The following DMXL2 variants were observed in gnomAD, a reference collection of about 807,000 sequenced individuals.
DMXL2 encodes Dmx like 2, also known as dmX-like protein 2.
In DMXL2, 103 loss-of-function variants were observed where a neutral mutation model predicts 331.1. That is an observed-to-expected ratio of 0.31 (90% CI 0.27 to 0.37). DMXL2 has a LOEUF of 0.37. Ranked by LOEUF, DMXL2 falls within the 10% of genes least tolerant of loss-of-function variation. The pLI is 1.00. For missense variants in DMXL2, 3,171 were observed against 3,642.9 expected, an observed-to-expected ratio of 0.87 and a Z score of 3.33; for synonymous variants, 1,281 against 1,252.1, an observed-to-expected ratio of 1.02 and a Z score of -0.49.
rs778284524 is a variant in DMXL2 at position 51,517,102 on chromosome 15, A to C, written c.2502T>G (p.Ile834Met). ...CTTGGTTGGTTATTGCGTCGAGTTC[A>C]ATAATGCAGCCAGGTCGAGCAGTAG... is the stretch of plus-strand genomic sequence containing the variant. ...QQSTARPGCI[I>M]ELDAITNQCG... Residue 834 changes from isoleucine to methionine, a missense_variant, in exon 14 of 44, where the codon ATT becomes ATG. Around this residue, in one of 7 missense-constraint regions of DMXL2, gnomAD observed 1,674 missense variants for 1,780.2 expected, o/e 0.94. Coordinates refer to ENST00000560891, the MANE Select transcript of DMXL2 (RefSeq NM_001378457.1). 3 of 1,614,118 alleles carry C rather than the reference A, an allele frequency of 1.9e-6. No individual in the cohort carries two copies. The highest frequency in any genetic ancestry group is 1.6e-4 in the Middle Eastern group (1 of 6,062).
chr15:51,597,687 G>A (rs564597984), intron 1 of DMXL2, among the ~76,000 whole-genome samples: 17 of 152,298 alleles, frequency 1.1e-4, no homozygotes, highest in Admixed American at 4.6e-4. Context: ...CAGGTTAGGC[G>A]TATCTTAAAT....
rs144184022 is a variant in DMXL2, at chr15:51,457,480, T to C, written c.8199-14A>G. 6.2e-7 allele frequency: 1 copy of C among 1,613,636 alleles called. No individual in the cohort carries two copies. The highest frequency in any genetic ancestry group is 2.2e-5 in the East Asian group (1 of 44,878). On this transcript the variant is annotated splice_polypyrimidine_tract_variant and intron_variant, in intron 36 of 43. Coordinates refer to ENST00000560891, the MANE Select transcript of DMXL2 (RefSeq NM_001378457.1). The stretch of plus-strand genomic sequence containing the variant: ...ACATCATCTGAACTGTGAAAAACAT[T>C]CATGTGTTACTGTGAACATTCCCTT...
chr15:51,535,571 A>T, intron 13 of DMXL2, 92 bp downstream of exon 13: 1 of 1,216,750 alleles, frequency 8.2e-7, no homozygotes, highest in Non-Finnish European at 1.1e-6. Flanking sequence ...CTTACTCCCT[A>T]AACAGCAACT....
At chr15:51,479,622 T>C (rs1261766338) in intron 25 of DMXL2, among the ~76,000 whole-genome samples, 1 of 152,202 alleles carries the variant, frequency 6.6e-6, no homozygotes, top group Non-Finnish European at 1.5e-5. Flanking sequence ...TATCTTGGCA[T>C]GTAAACAAAT....
chr15:51,517,808 G>A (rs925241254), intron 13 of DMXL2, among the ~76,000 whole-genome samples: 7 of 152,154 alleles, frequency 4.6e-5, no homozygotes, highest in Non-Finnish European at 8.8e-5. Flanking sequence ...GGCTAGCTTC[G>A]CCTAGAGATA....
In DMXL2 at chr15:51,550,596, G is replaced by A. The variant is rs557166163; in HGVS notation, c.568-3188C>T. 2.6e-3 allele frequency among the ~76,000 whole-genome samples: 397 copies of A among 151,940 alleles called. 1 individual carries two copies. The highest frequency in any genetic ancestry group is 4.2e-3 in the Non-Finnish European group (283 of 67,914). Reference sequence around the variant, plus strand: ...CATGCTGCATGAGAACTCAAAAAAAGAAAAGATAAATTCCATTTTTTGAAG... The same window carrying A: ...CATGCTGCATGAGAACTCAAAAAAAAAAAAGATAAATTCCATTTTTTGAAG... On this transcript the variant is annotated intron_variant, in intron 6 of 43. Coordinates refer to ENST00000560891, the MANE Select transcript of DMXL2 (RefSeq NM_001378457.1).
Position 51,536,241 on chromosome 15 carries a change from G to C in DMXL2, c.2239C>G (p.Arg747Gly), listed in dbSNP as rs1451641781. ...GCTGAGGTATGTAAAGAGTTAATTC[G>C]AGCCAATTCTGATACTCCTCCAGTG... ...SYTGGVSELA[R>G]INSLHTSAFS... Residue 747 changes from arginine (R) to glycine (G), a missense_variant, in exon 12 of 44, where the codon CGA becomes GGA. Coordinates refer to ENST00000560891, the MANE Select transcript of DMXL2 (RefSeq NM_001378457.1). 1 of 1,613,772 alleles carries C rather than the reference G, an allele frequency of 6.2e-7. No homozygotes were observed. Among genetic ancestry groups the C allele is most frequent in the South Asian group, 1.1e-5 (1 of 91,034 alleles).
In DMXL2 at chr15:51,471,390, G is replaced by A. The variant is rs140921435; in HGVS notation, c.7225C>T (p.Leu2409Phe). 382 of 1,594,708 alleles carry A rather than the reference G, an allele frequency of 2.4e-4. 3 individuals are homozygous for A. The African/African-American group carries it at 4.6e-3, about 19-fold the overall frequency. Residue 2409 changes from leucine to phenylalanine, a missense_variant, in exon 29 of 44, where the codon CTT (leucine) becomes TTT (phenylalanine). Leu to Phe is a conservative substitution (Grantham distance 22). Around this residue, in one of 7 missense-constraint regions of DMXL2, gnomAD observed 766 missense variants for 940.5 expected, o/e 0.81. Transcript: ENST00000560891. ...QSENISAPPV[L>F]SEDIDKHRRR... ...CGGTGTTTATCTATGTCTTCAGAAA[G>A]GACAGGAGGTGCTAAATGAAGATAG... is the stretch of plus-strand genomic sequence containing the variant.
intron 22 of DMXL2, among the ~76,000 whole-genome samples, chr15:51,487,333 C>G (rs560240584): frequency 1.3e-5 from 2 of 152,224 alleles, no homozygotes; most frequent in Non-Finnish European, 2.9e-5. Context: ...AGGTTGTGAC[C>G]TATGTACTTT....
chr15:51,621,676 A>G (rs189144440), intron 1 of DMXL2, among the ~76,000 whole-genome samples: 170 of 152,310 alleles, frequency 1.1e-3, no homozygotes, highest in Non-Finnish European at 1.9e-3. Flanking sequence ...GGAGATTCTA[A>G]AACGTTATGT....
At position 51,530,864 on chromosome 15, in the gene DMXL2, A is replaced by G. The variant is rs898433237; in HGVS notation, c.2436+4799T>C. 3.4e-4 allele frequency among the ~76,000 whole-genome samples: 52 copies of G among 152,186 alleles called. 1 individual carries two copies. The highest frequency in any genetic ancestry group is 3.9e-4 in the Admixed American group (6 of 15,276). ...ATCTCTATAATGAAAACTGTAAAACACTGATGAAAGAAATTGAAGAGGACA... is the reference window on the plus strand; with the variant it reads ...ATCTCTATAATGAAAACTGTAAAACGCTGATGAAAGAAATTGAAGAGGACA... On this transcript the variant is annotated intron_variant, in intron 13 of 43. Transcript: ENST00000560891.
Position 51,481,190 on chromosome 15 carries a change from T to C in DMXL2, c.5916A>G (p.Glu1972=). 2 of 1,613,900 alleles carry C rather than the reference T, an allele frequency of 1.2e-6. No individual in the cohort carries two copies. The highest frequency in any genetic ancestry group is 1.7e-6 in the Non-Finnish European group (2 of 1,179,864). ...WSQPIVKVDE[E]PLNLDWGEDH... ...CTTCACCCCAATCAAGATTAAGAGG[T>C]TCCTCATCAACTTTTACTATTGGCT... Residue 1972 remains glutamate, a synonymous_variant, in exon 24 of 44, where the codon GAA becomes GAG. Coordinates refer to ENST00000560891, the MANE Select transcript of DMXL2 (RefSeq NM_001378457.1).
At chr15:51,454,230 T>G (rs2039414543) in intron 40 of DMXL2, 1 of 152,282 alleles carries the variant, frequency 6.6e-6, no homozygotes, top group Non-Finnish European at 1.5e-5. Flanking sequence ...AAAAAGTATT[T>G]GGGTAATCTA....
At chr15:51,473,941 A>C (rs1206209898) in intron 28 of DMXL2, among the ~76,000 whole-genome samples, 1 of 152,162 alleles carries the variant, frequency 6.6e-6, no homozygotes, top group Non-Finnish European at 1.5e-5. Flanking sequence ...GTATGCGCTA[A>C]AGATTTTGAA....
chr15:51,475,120 T>G (rs1305665535), intron 27 of DMXL2, among the ~76,000 whole-genome samples: 1 of 152,218 alleles, frequency 6.6e-6, no homozygotes, highest in Admixed American at 6.5e-5. Context: ...ATATGCCTCT[T>G]GATATCTCCT....
intron 1 of DMXL2, among the ~76,000 whole-genome samples, chr15:51,618,583 C>G (rs949206703): frequency 6.6e-6 from 1 of 151,792 alleles, no homozygotes; most frequent in Non-Finnish European, 1.5e-5. Context: ...GTCAGAATAC[C>G]AGGTACGTTT....
At chr15:51,546,522 T>C (rs11855041) in intron 7 of DMXL2, among the ~76,000 whole-genome samples, 36,091 of 151,934 alleles carry the variant, frequency 0.24, 4,875 homozygotes, top group East Asian at 0.47. Context: ...GTAGGTAAAA[T>C]AACCCTCCCT....
At chr15:51,518,763 G>A (rs2047179253) in intron 13 of DMXL2, among the ~76,000 whole-genome samples, 1 of 152,126 alleles carries the variant, frequency 6.6e-6, no homozygotes, top group Non-Finnish European at 1.5e-5. Flanking sequence ...CTAAGGATTT[G>A]CTTTCCCTGC....
At chr15:51,462,265 G>A (rs1232462951) in intron 33 of DMXL2, among the ~76,000 whole-genome samples, 2 of 152,128 alleles carry the variant, frequency 1.3e-5, no homozygotes, top group African/African-American at 4.8e-5. Flanking sequence ...GAGCCGTATG[G>A]ACTCTCTCTG....
Sources: allele counts gnomAD v4.1 joint callset (sites outside exome capture counted in the v4.1 genomes callset), GRCh38; gene constraint gnomAD v4.1.1; regional missense constraint gnomAD v4.1.1; transcripts MANE v1.5; gene names NCBI Gene and HGNC (gene_info 2026-07-23, HGNC 2026-07-21).